The following ALG11 variants were observed in gnomAD, a reference collection of about 807,000 sequenced individuals.
ALG11 encodes GDP-Man:Man(3)GlcNAc(2)-PP-Dol alpha-1,2-mannosyltransferase.
ALG11 carries 26 observed loss-of-function variants against 38.8 expected under a neutral mutation model. The ratio of observed to expected loss-of-function variants is 0.67; its 90% confidence interval spans 0.49 to 0.93. ALG11 has a LOEUF of 0.93. Ranked by LOEUF, ALG11 falls within the 40% of genes least tolerant of loss-of-function variation. The probability of loss-of-function intolerance (pLI) is 0.00; values close to 1 mark genes in which losing one functional copy is unlikely to be tolerated. For synonymous variants in ALG11, 199 were observed against 211.6 expected (o/e 0.94, Z 0.52); for missense variants, 535 against 578.8 (o/e 0.92, Z 0.78).
At position 52,028,774 on chromosome 13, in the gene ALG11, T is replaced by G. The variant is rs1954266768; in HGVS notation, c.*184T>G. The stretch of plus-strand genomic sequence containing the variant: ...GATGACTAGCCTTCGGCTTCCATTC[T>G]TGGTATACATGAGAGAGGCTGGCTG... On this transcript the variant is annotated 3_prime_UTR_variant, in exon 4 of 4. Transcript: ENST00000521508. The G allele has an allele frequency of 6.2e-7, 1 of 1,614,202 alleles. No individual in the cohort carries two copies.
At chr13:52,026,482 G>A (rs1166828578) in intron 3 of ALG11, among the ~76,000 whole-genome samples, 1 of 152,224 alleles carries the variant, frequency 6.6e-6, no homozygotes, top group African/African-American at 2.4e-5. Context: ...TGGAAGGGCA[G>A]TAAGATGAGC....
intron 3 of ALG11, among the ~76,000 whole-genome samples, 170 bp downstream of exon 3, chr13:52,025,107 G>A (rs1005782947): frequency 6.6e-6 from 1 of 152,184 alleles, no homozygotes; most frequent in Non-Finnish European, 1.5e-5. Context: ...GTTAATAATA[G>A]CAGCTAGTAT....
Position 52,024,787 on chromosome 13 carries a change from A to C in ALG11, c.1057A>C (p.Arg353=). Residue 353 remains arginine (R), a synonymous_variant, in exon 3 of 4, where the codon AGG becomes CGG. Transcript: ENST00000521508. ...TTGTCGTAACAAAGATGATGAACTT[A>C]GGGTAAACCAACTGAGAAGGCTGTC... ...GGCRNKDDEL[R]VNQLRRLSED... 2 of 1,614,244 alleles carry C rather than the reference A, an allele frequency of 1.2e-6. No homozygotes were observed. Among genetic ancestry groups the C allele is most frequent in the Non-Finnish European group, 1.7e-6 (2 of 1,180,026 alleles).
At chr13:52,014,935 A>C (rs1954122591) in intron 1 of ALG11, among the ~76,000 whole-genome samples, 2 of 152,234 alleles carry the variant, frequency 1.3e-5, no homozygotes, top group Admixed American at 6.5e-5. Context: ...TAGACCAATT[A>C]TTTCAGCTTT....
chr13:52,026,851 C>T (rs1954246024), intron 3 of ALG11, among the ~76,000 whole-genome samples: 1 of 152,168 alleles, frequency 6.6e-6, no homozygotes, highest in African/African-American at 2.4e-5. Flanking sequence ...GAGGATTGTC[C>T]TTGTGCAGGT....
rs1593903383 is a variant in ALG11, at chr13:52,024,629, G to A, written c.899G>A (p.Gly300Glu). ...TTACATGAGAAAAAGATGACCCCAG[G>A]ACATTTGCTGGTTTCTGTTGGCCAG... Reference protein sequence around the residue: ...IPLHEKKMTPGHLLVSVGQFR... With the variant: ...IPLHEKKMTPEHLLVSVGQFR... Residue 300 changes from glycine (G) to glutamate (E), a missense_variant, in exon 3 of 4, where the codon GGA (glycine) becomes GAA (glutamate). Physicochemically the swap from Gly to Glu is moderately conservative, Grantham distance 98. Transcript: ENST00000521508. The A allele has an allele frequency of 1.2e-6, 2 of 1,613,876 alleles. No homozygotes were observed. The highest frequency in any genetic ancestry group is 1.7e-6 in the Non-Finnish European group (2 of 1,179,788).
intron 1 of ALG11, among the ~76,000 whole-genome samples, chr13:52,014,637 C>A (rs532393355): frequency 6.6e-6 from 1 of 151,914 alleles, no homozygotes; most frequent in African/African-American, 2.4e-5. Context: ...TGGGCTCAAG[C>A]AATCCTCCCA....
rs149660675 is a variant in ALG11, at chr13:52,029,702, A to G, written c.*1112A>G. 7 of 1,614,230 alleles carry G rather than the reference A, an allele frequency of 4.3e-6. No individual in the cohort carries two copies. In the Admixed American group the frequency reaches 1.2e-4, roughly 27 times the overall value. Reference sequence around the variant, plus strand: ...GGAAAGAATGAGCCTTAAGCACCAAAACAGTGGGAAATGGGCCAAGTCAAA... The same window carrying G: ...GGAAAGAATGAGCCTTAAGCACCAAGACAGTGGGAAATGGGCCAAGTCAAA... On this transcript the variant is annotated 3_prime_UTR_variant, in exon 4 of 4. Transcript: ENST00000521508.
In ALG11 at chr13:52,012,447, T is replaced by C. The variant is rs1329506561; in HGVS notation, c.29T>C (p.Leu10Pro). The C allele has an allele frequency of 1.2e-6, 2 of 1,613,966 alleles. No homozygotes were observed. The highest frequency in any genetic ancestry group is 1.3e-5 in the African/African-American group (1 of 74,928). MAAGERSWCLCKLLRFFYSL... is the reference protein window; with the variant it reads MAAGERSWCPCKLLRFFYSL... ...GCGGCCGGCGAAAGGAGCTGGTGCC[T>C]GTGCAAGTTGTTGAGGTGAGCAGCC... Residue 10 changes from leucine (L) to proline (P), a missense_variant, in exon 1 of 4, where the codon CTG (leucine) becomes CCG (proline). Transcript: ENST00000521508.
chr13:52,019,088 G>T lies in ALG11; in HGVS notation c.220G>T (p.Ala74Ser). The change falls in exon 2 of 4, where the codon GCT (alanine) becomes TCT (serine). Residue 74 changes from alanine (A) to serine (S), a missense_variant. Ala to Ser is a moderately conservative substitution (Grantham distance 99). Transcript: ENST00000521508. The part of the protein sequence containing the change: ...VIAFFHPYCN[A>S]GGGGERVLWC... ...TGCATTTTTTCATCCATACTGCAAT[G>T]CTGGTGGAGGAGGAGAAAGAGTTTT... 1.2e-6 allele frequency: 2 copies of T among 1,614,068 alleles called. No individual in the cohort carries two copies. Among genetic ancestry groups the T allele is most frequent in the Non-Finnish European group, 1.7e-6 (2 of 1,180,002 alleles).
At chr13:52,023,314 T>A (rs1954202061) in intron 2 of ALG11, 1 of 152,148 alleles carries the variant, frequency 6.6e-6, no homozygotes, top group Non-Finnish European at 1.5e-5. Flanking sequence ...AAACCCTCAG[T>A]GGAGGAAATA....
At chr13:52,021,174 T>C (rs1486626305) in intron 2 of ALG11, 2 of 114,416 alleles carry the variant, frequency 1.7e-5, no homozygotes, top group African/African-American at 5.1e-5. Flanking sequence ...CAGGGAAATA[T>C]CTGATAACAA....
At position 52,030,960 on chromosome 13, in the gene ALG11, A is replaced by G. The variant is rs1463773704; in HGVS notation, c.*2370A>G. 8 of 1,614,084 alleles carry G rather than the reference A, an allele frequency of 5.0e-6. No homozygotes were observed. Among genetic ancestry groups the G allele is most frequent in the African/African-American group, 1.3e-5 (1 of 74,936 alleles). ...GCTTTCCAAAAGCTGACTACTCCCA[A>G]GGTCGTCACCAAGCCAGGCCATATC... On this transcript the variant is annotated 3_prime_UTR_variant, in exon 4 of 4. Coordinates refer to ENST00000521508, the MANE Select transcript of ALG11 (RefSeq NM_001004127.3).
At position 52,028,562 on chromosome 13, in the gene ALG11, TATC is replaced by T. The variant is rs1236484244; in HGVS notation, c.1455_1457del (p.Ser486del). 6.2e-7 allele frequency: 1 copy of T among 1,614,188 alleles called. No individual in the cohort carries two copies. The highest frequency in any genetic ancestry group is 8.5e-7 in the Non-Finnish European group (1 of 1,179,984). Reference sequence around the variant, plus strand: ...GATCAGGAATTTGAAGTGACATTCCTATCATCTGTGGAAAAGTTATTTAAGTAA... The same window carrying T: ...GATCAGGAATTTGAAGTGACATTCCTATCTGTGGAAAAGTTATTTAAGTAA... On this transcript the variant is annotated inframe_deletion, in exon 4 of 4. Coordinates refer to ENST00000521508, the MANE Select transcript of ALG11 (RefSeq NM_001004127.3).
Position 52,024,018 on chromosome 13 carries a change from A to G in ALG11, c.288A>G (p.Ala96=). Residue 96 remains alanine (A), a synonymous_variant, in exon 3 of 4, where the codon GCA becomes GCG. Coordinates refer to ENST00000521508, the MANE Select transcript of ALG11 (RefSeq NM_001004127.3). The part of the protein sequence containing the change: ...LRALQKKYPE[A]VYVVYTGDVN... ...CATTCTATTTTAGGTATCCTGAAGCAGTTTATGTTGTTTATACCGGCGATG... is the reference window on the plus strand; with the variant it reads ...CATTCTATTTTAGGTATCCTGAAGCGGTTTATGTTGTTTATACCGGCGATG... 5.6e-6 allele frequency: 9 copies of G among 1,614,110 alleles called. No individual in the cohort carries two copies. Among genetic ancestry groups the G allele is most frequent in the Non-Finnish European group, 7.6e-6 (9 of 1,180,006 alleles).
chr13:52,029,196 T>C lies in ALG11; in HGVS notation c.*606T>C, dbSNP rs1954271897. On this transcript the variant is annotated 3_prime_UTR_variant, in exon 4 of 4. Transcript: ENST00000521508. ...AAAATTGAACAGATCCACAGAGAAGTAGCATTCAGTAAAACCTCACAGGTC... is the reference window on the plus strand; with the variant it reads ...AAAATTGAACAGATCCACAGAGAAGCAGCATTCAGTAAAACCTCACAGGTC... The C allele has an allele frequency of 6.2e-7, 1 of 1,613,918 alleles. No homozygotes were observed. The highest frequency in any genetic ancestry group is 1.3e-5 in the African/African-American group (1 of 74,866).
Position 52,012,457 on chromosome 13 carries a change from G to A in ALG11, c.39G>A (p.Leu13=). 1 of 1,614,176 alleles carries A rather than the reference G, an allele frequency of 6.2e-7. No homozygotes were observed. The highest frequency in any genetic ancestry group is 8.5e-7 in the Non-Finnish European group (1 of 1,180,046). ...AAAGGAGCTGGTGCCTGTGCAAGTT[G>A]TTGAGGTGAGCAGCCGGTCGTGTGG... The part of the protein sequence containing the change: ...AGERSWCLCK[L]LRFFYSLFFP... Residue 13 remains leucine (L), a synonymous_variant, in exon 1 of 4, where the codon TTG becomes TTA. Coordinates refer to ENST00000521508, the MANE Select transcript of ALG11 (RefSeq NM_001004127.3).
At chr13:52,028,171 T>C in intron 3 of ALG11, 148 bp from the exon 4 acceptor site, 1 of 869,698 alleles carries the variant, frequency 1.1e-6, no homozygotes. Context: ...TCTTGTACTG[T>C]AGAAGTTGAA....
Position 52,024,437 on chromosome 13 carries a change from A to C in ALG11, c.707A>C (p.Tyr236Ser). ...TTTCTCAGCAAAGTAAAGCTCATCT[A>C]CTACTATTTATTTGCTTTTATTTAT... ...NPFLSKVKLIYYYLFAFIYGL... is the reference protein window; with the variant it reads ...NPFLSKVKLISYYLFAFIYGL... The change falls in exon 3 of 4, where the codon TAC (tyrosine) becomes TCC (serine). Residue 236 changes from tyrosine (Y) to serine (S), a missense_variant. Coordinates refer to ENST00000521508, the MANE Select transcript of ALG11 (RefSeq NM_001004127.3). 1.2e-6 allele frequency: 2 copies of C among 1,613,964 alleles called. No individual in the cohort carries two copies. The highest frequency in any genetic ancestry group is 1.7e-6 in the Non-Finnish European group (2 of 1,179,938).
Sources: gnomAD v4.1 joint callset for allele counts (sites outside exome capture counted in the v4.1 genomes callset) on GRCh38, gnomAD v4.1.1 for gene constraint, MANE v1.5 for transcripts, NCBI Gene and HGNC (gene_info 2026-07-23, HGNC 2026-07-21) for gene names.